TRAP1: variants seen among roughly 807,000 people sequenced by gnomAD.
TRAP1 encodes the protein TNF receptor associated protein 1.
In TRAP1, 102 loss-of-function variants were observed where a neutral mutation model predicts 89.1. The observed-to-expected ratio is 1.15, with a 90% CI of 0.98 to 1.35. The LOEUF (loss-of-function observed/expected upper bound fraction) is 1.35, where lower values mean the gene tolerates loss of function less well. Ranked by LOEUF, TRAP1 falls within the 40% of genes most tolerant of loss-of-function variation. The probability of loss-of-function intolerance (pLI) is 0.00; values close to 1 mark genes in which losing one functional copy is unlikely to be tolerated. For missense variants in TRAP1, 1,256 were observed against 945.3 expected (o/e 1.33, Z -4.31); for synonymous variants, 508 against 388.0 (o/e 1.31, Z -3.64).
chr16:3,675,034 T>C, intron 8 of TRAP1: 1 of 429,734 alleles, frequency 2.3e-6, no homozygotes, highest in Non-Finnish European at 4.2e-6. Context: ...GCTGCACAGC[T>C]CTGTGGCTGC....
At chr16:3,679,047 G>C (rs954160664) in intron 5 of TRAP1, among the ~76,000 whole-genome samples, 2 of 152,174 alleles carry the variant, frequency 1.3e-5, no homozygotes, top group African/African-American at 4.8e-5. Flanking sequence ...TCTGGGCATA[G>C]TGACGTGCAC....
Position 3,677,608 on chromosome 16 carries a change from G to T in TRAP1, c.594C>A (p.Ile198=). 6.2e-7 allele frequency: 1 copy of T among 1,614,068 alleles called. No individual in the cohort carries two copies. The highest frequency in any genetic ancestry group is 8.5e-7 in the Non-Finnish European group (1 of 1,180,022). ...QNQAEASSKI[I]GQFGVGFYSA... ...AGTAGAAACCCACTCCAAACTGGCC[G>T]ATGATCTTGCTGCTGGCCTCAGCCT... Residue 198 remains isoleucine, a synonymous_variant, in exon 6 of 18, where the codon ATC becomes ATA. Transcript: ENST00000246957.
chr16:3,663,307 G>A (rs989844552), intron 14 of TRAP1, 117 bp downstream of exon 14: 144 of 1,380,564 alleles, frequency 1.0e-4, no homozygotes, highest in Non-Finnish European at 1.0e-4. Context: ...GCTCTTCTCG[G>A]GGGTGGCTGA....
rs746581356 is a variant in TRAP1, at chr16:3,686,098, G to T, written c.369C>A (p.Ala123=). Residue 123 remains alanine (A), a synonymous_variant, in exon 4 of 18, where the codon GCC becomes GCA. Transcript: ENST00000246957. ...IRELISNASD[A]LEKLRHKLVS... is the part of the protein sequence containing the mutation. Reference sequence around the variant, plus strand: ...CCAGTTTGTGACGCAGTTTTTCCAAGGCATCGCTGGCATTGGAGATCAGCT... The same window carrying T: ...CCAGTTTGTGACGCAGTTTTTCCAATGCATCGCTGGCATTGGAGATCAGCT... 1.2e-6 allele frequency: 2 copies of T among 1,614,134 alleles called. No individual in the cohort carries two copies. Among genetic ancestry groups the T allele is most frequent in the South Asian group, 2.2e-5 (2 of 91,080 alleles).
At chr16:3,707,434 C>T (rs1472204960) in intron 1 of TRAP1, among the ~76,000 whole-genome samples, 1 of 151,476 alleles carries the variant, frequency 6.6e-6, no homozygotes, top group Non-Finnish European at 1.5e-5. Flanking sequence ...ATCCACCTGC[C>T]TCAGCCTCCC....
intron 11 of TRAP1, 30 bp downstream of exon 11, chr16:3,671,692 A>G (rs553755258): frequency 1.2e-6 from 2 of 1,608,624 alleles, no homozygotes; most frequent in East Asian, 2.2e-5. Flanking sequence ...TGTCCCCAGC[A>G]GGGTCCTCTC....
chr16:3,695,284 G>C (rs756035400), intron 1 of TRAP1, among the ~76,000 whole-genome samples: 9 of 152,134 alleles, frequency 5.9e-5, no homozygotes, highest in Non-Finnish European at 1.3e-4. Flanking sequence ...GAAGGGGAGA[G>C]GGCTGGCAGA....
At chr16:3,697,604 C>T (rs2051307086) in intron 1 of TRAP1, among the ~76,000 whole-genome samples, 2 of 146,322 alleles carry the variant, frequency 1.4e-5, no homozygotes, top group Non-Finnish European at 3.0e-5. Context: ...ACGGAGTTTG[C>T]AGCGAGCTGA....
rs1567232137 is a variant in TRAP1 at position 3,677,620 on chromosome 16, G to C, written c.582C>G (p.Ser194Arg). 1 of 1,614,104 alleles carries C rather than the reference G, an allele frequency of 6.2e-7. No individual in the cohort carries two copies. Among genetic ancestry groups the C allele is most frequent in the Non-Finnish European group, 8.5e-7 (1 of 1,180,022 alleles). ...CTCCAAACTGGCCGATGATCTTGCT[G>C]CTGGCCTCAGCCTGGTTCTGCAGAG... ...LDALQNQAEA[S>R]SKIIGQFGVG... The change falls in exon 6 of 18, where the codon AGC becomes AGG. Residue 194 changes from serine (S) to arginine (R), a missense_variant. Physicochemically the swap from Ser to Arg is moderately radical, Grantham distance 110. Transcript: ENST00000246957.
chr16:3,658,597 C>CG, intron 17 of TRAP1, 196 bp downstream of exon 17: 1 of 594,170 alleles, frequency 1.7e-6, no homozygotes, highest in Non-Finnish European at 3.0e-6. Flanking sequence ...TGCTTGAACC[C>CG]GGGAGGCAGA....
chr16:3,682,632 A>G (rs1482395664), intron 4 of TRAP1, among the ~76,000 whole-genome samples: 2 of 152,090 alleles, frequency 1.3e-5, no homozygotes, highest in East Asian at 3.9e-4. Context: ...AGCTCAGACA[A>G]TCTGCCCGCC....
rs555799397 is a variant in TRAP1 at position 3,710,721 on chromosome 16, C to G, written c.88+6700G>C. Among the ~76,000 whole-genome samples, 23 of 152,198 alleles carry G rather than the reference C, an allele frequency of 1.5e-4. 1 individual carries two copies. The South Asian group carries it at 4.6e-3, about 30-fold the overall frequency. On this transcript the variant is annotated intron_variant, in intron 1 of 17. Transcript: ENST00000246957. ...TCTCCTTCGAGGTGCATATCACTAA[C>G]CCGACACACATAGTTACATTAGAAG...
intron 9 of TRAP1, 148 bp downstream of exon 9, chr16:3,674,191 G>C: frequency 1.8e-6 from 2 of 1,137,586 alleles, no homozygotes; most frequent in Non-Finnish European, 1.2e-6. Flanking sequence ...AAAGTGCTGG[G>C]ATAACAGGCG....
intron 11 of TRAP1, 87 bp downstream of exon 11, chr16:3,671,635 G>T: frequency 1.4e-6 from 2 of 1,444,178 alleles, no homozygotes; most frequent in African/African-American, 1.4e-5. Flanking sequence ...TCAGCTCCAT[G>T]GGCCACGGCT....
intron 9 of TRAP1, among the ~76,000 whole-genome samples, chr16:3,673,275 C>G (rs2050940200): frequency 6.6e-6 from 1 of 152,216 alleles, no homozygotes; most frequent in African/African-American, 2.4e-5. Context: ...ATTTCAGTGT[C>G]TACGCAGCTC....
chr16:3,686,525 C>T (rs944559238), intron 3 of TRAP1, among the ~76,000 whole-genome samples: 2 of 152,236 alleles, frequency 1.3e-5, no homozygotes, highest in Non-Finnish European at 2.9e-5. Context: ...CTATGTTGCC[C>T]AGGCTGGTCT....
chr16:3,689,207 C>A, intron 2 of TRAP1, 70 bp from the exon 3 acceptor site: 94 of 1,024,506 alleles, frequency 9.2e-5, no homozygotes, highest in Non-Finnish European at 1.2e-4. Flanking sequence ...CGCTACGTCA[C>A]ATTCCAAAGA....
chr16:3,677,643 G>C lies in TRAP1; in HGVS notation c.559C>G (p.Leu187Val), dbSNP rs1221721264. ...RSGSKAFLDA[L>V]QNQAEASSKI... Reference sequence around the variant, plus strand: ...CTGCTGGCCTCAGCCTGGTTCTGCAGAGCATCCAGGAAGGCCTGTGGGGCA... The same window carrying C: ...CTGCTGGCCTCAGCCTGGTTCTGCACAGCATCCAGGAAGGCCTGTGGGGCA... Residue 187 changes from leucine (L) to valine (V), a missense_variant, in exon 6 of 18, where the codon CTG becomes GTG. Physicochemically the swap from Leu to Val is conservative, Grantham distance 32 (BLOSUM62 1). Coordinates refer to ENST00000246957, the MANE Select transcript of TRAP1 (RefSeq NM_016292.3). 5 of 1,613,788 alleles carry C rather than the reference G, an allele frequency of 3.1e-6. No individual in the cohort carries two copies. In the African/African-American group the frequency reaches 4.0e-5, roughly 13 times the overall value.
At chr16:3,690,615 G>A (rs904539910) in intron 2 of TRAP1, among the ~76,000 whole-genome samples, 2 of 152,184 alleles carry the variant, frequency 1.3e-5, no homozygotes, top group African/African-American at 2.4e-5. Context: ...ACTCACGGGT[G>A]GCCACCAGAG....
Sources: allele counts gnomAD v4.1 joint callset (sites outside exome capture counted in the v4.1 genomes callset), GRCh38; gene constraint gnomAD v4.1.1; transcripts MANE v1.5; gene names NCBI Gene and HGNC (gene_info 2026-07-23, HGNC 2026-07-21).